LYST: variants seen among roughly 807,000 people sequenced by gnomAD.
LYST encodes lysosomal-trafficking regulator.
LYST carries 192 observed loss-of-function variants against 413.6 expected under a neutral mutation model. That is an observed-to-expected ratio of 0.46 (90% CI 0.41 to 0.52). The LOEUF (loss-of-function observed/expected upper bound fraction) is 0.52, where lower values mean the gene tolerates loss of function less well. Ranked by LOEUF, LYST falls within the 20% of genes least tolerant of loss-of-function variation. The pLI is 0.00. For synonymous variants in LYST, 1,525 were observed against 1,567.3 expected (o/e 0.97, Z 0.64); for missense variants, 3,815 against 4,499.9 (o/e 0.85, Z 4.35).
At chr1:235,872,458 A>G (rs1327873805) in intron 1 of LYST, among the ~76,000 whole-genome samples, 1 of 152,182 alleles carries the variant, frequency 6.6e-6, no homozygotes, top group Admixed American at 6.5e-5. Flanking sequence ...TCTCGTGGTA[A>G]TAGACCGAGG....
intron 14 of LYST, among the ~76,000 whole-genome samples, chr1:235,783,619 G>A (rs1353137537): frequency 6.6e-6 from 1 of 152,096 alleles, no homozygotes; most frequent in Admixed American, 6.5e-5. Flanking sequence ...TGCACGTTCT[G>A]CACATGTATC....
chr1:235,763,313 A>C (rs936361849), intron 21 of LYST, among the ~76,000 whole-genome samples: 2 of 152,154 alleles, frequency 1.3e-5, no homozygotes, highest in Non-Finnish European at 2.9e-5. Context: ...AAATGCAACA[A>C]ATCTAAATCC....
At chr1:235,857,676 T>C (rs965297968) in intron 1 of LYST, among the ~76,000 whole-genome samples, 4 of 150,758 alleles carry the variant, frequency 2.7e-5, no homozygotes, top group Admixed American at 6.6e-5. Flanking sequence ...TGGGTGTGTG[T>C]GCGCGTGTGC....
At position 235,709,126 on chromosome 1, in the gene LYST, C is replaced by G. The variant is rs748108980; in HGVS notation, c.10108G>C (p.Ala3370Pro). The stretch of plus-strand genomic sequence containing the variant: ...AAAACATTGATCGCTTGAACAGAAG[C>G]CTTCCCCTTTTGCTTATACCCAAAC... The part of the protein sequence containing the change: ...LVFGYKQKGK[A>P]SVQAINVFHP... Residue 3370 changes from alanine to proline, a missense_variant, in exon 44 of 53, where the codon GCT (alanine) becomes CCT (proline). Transcript: ENST00000389793. 4.8e-5 allele frequency: 77 copies of G among 1,613,962 alleles called. No individual in the cohort carries two copies. The highest frequency in any genetic ancestry group is 3.3e-4 in the Middle Eastern group (2 of 6,084).
chr1:235,768,167 A>G (rs1409021131), intron 20 of LYST, among the ~76,000 whole-genome samples: 1 of 152,106 alleles, frequency 6.6e-6, no homozygotes, highest in Non-Finnish European at 1.5e-5. Context: ...TTTCAAATGT[A>G]GATACAAAAA....
At chr1:235,760,995 T>C (rs1486383718) in intron 22 of LYST, among the ~76,000 whole-genome samples, 2 of 152,234 alleles carry the variant, frequency 1.3e-5, no homozygotes, top group African/African-American at 4.8e-5. Flanking sequence ...GGCTTGAGCC[T>C]GTAATCTCAG....
Position 235,755,790 on chromosome 1 carries a change from A to C in LYST, c.7060-143T>G, listed in dbSNP as rs1296904453. The C allele has an allele frequency of 3.5e-5, 20 of 569,776 alleles. No individual in the cohort carries two copies. In the East Asian group the frequency reaches 5.9e-4, roughly 17 times the overall value. The allele number at this position is 569,776 out of a possible 1,614,324, so 35.3% of individuals were successfully genotyped here. On this transcript the variant is annotated intron_variant, in intron 24 of 52. Coordinates refer to ENST00000389793, the MANE Select transcript of LYST (RefSeq NM_000081.4). ...AAGCTTAAAAAAATGCCACCACCACAGCAAAGCAGAAATGAATTTGTCTTT... is the reference window on the plus strand; with the variant it reads ...AAGCTTAAAAAAATGCCACCACCACCGCAAAGCAGAAATGAATTTGTCTTT...
intron 1 of LYST, among the ~76,000 whole-genome samples, chr1:235,846,112 G>A (rs1031981066): frequency 3.9e-5 from 6 of 152,076 alleles, no homozygotes; most frequent in African/African-American, 1.4e-4. Context: ...GACCCTCACG[G>A]AGTCCACTGC....
intron 22 of LYST, among the ~76,000 whole-genome samples, chr1:235,761,737 G>C (rs772464242): frequency 6.6e-6 from 1 of 151,108 alleles, no homozygotes; most frequent in Non-Finnish European, 1.5e-5. Context: ...TAGGGAAAGC[G>C]AGACAAGGGG....
At chr1:235,692,625 C>G (rs2103073226) in intron 47 of LYST, among the ~76,000 whole-genome samples, 1 of 152,052 alleles carries the variant, frequency 6.6e-6, no homozygotes, top group South Asian at 2.1e-4. Context: ...CTCAGGCGAT[C>G]TGCCCGCCTC....
intron 3 of LYST, among the ~76,000 whole-genome samples, chr1:235,821,154 G>T (rs1304638652): frequency 6.6e-6 from 1 of 152,060 alleles, no homozygotes; most frequent in Non-Finnish European, 1.5e-5. Flanking sequence ...AATATTATTG[G>T]CATCTGAGCA....
chr1:235,734,728 AATTAAATTAT>A lies in LYST; in HGVS notation c.8359-79_8359-70del, dbSNP rs751277783. On this transcript the variant is annotated intron_variant, in intron 31 of 52. Coordinates refer to ENST00000389793, the MANE Select transcript of LYST (RefSeq NM_000081.4). Reference sequence around the variant, plus strand: ...TCTTACATTTAAATTACTTAGTAGTAATTAAATTATATTGCTAGATTTATTTGGTTGCATC... The same window carrying A: ...TCTTACATTTAAATTACTTAGTAGTAATTGCTAGATTTATTTGGTTGCATC... The A allele has an allele frequency of 2.9e-6, 3 of 1,019,502 alleles. No homozygotes were observed. In the Admixed American group the frequency reaches 6.4e-5, roughly 22 times the overall value. 63.2% of individuals were successfully genotyped at this position (1,019,502 alleles called of 1,614,324 possible). A position where few individuals can be genotyped will look rare whatever the true frequency, so the allele number is the denominator to read the frequency against.
At chr1:235,691,073 C>A (rs898961546) in intron 47 of LYST, among the ~76,000 whole-genome samples, 1 of 152,050 alleles carries the variant, frequency 6.6e-6, no homozygotes, top group Non-Finnish European at 1.5e-5. Context: ...CCCGCCACCA[C>A]GCCCAGCTAA....
intron 47 of LYST, among the ~76,000 whole-genome samples, chr1:235,688,723 T>G (rs4592253): frequency 0.052 from 7,905 of 152,102 alleles, 653 homozygotes; most frequent in African/African-American, 0.18. Flanking sequence ...CAGTGGCTCA[T>G]GCCTGTAACC....
chr1:235,752,277 G>A (rs556909273), intron 26 of LYST, 106 bp from the exon 27 acceptor site: 33 of 787,008 alleles, frequency 4.2e-5, no homozygotes, highest in Non-Finnish European at 6.2e-5. Context: ...TGTTCGACCA[G>A]CTTGCACTCA....
intron 9 of LYST, 41 bp from the exon 10 acceptor site, chr1:235,800,427 A>C: frequency 9.0e-7 from 1 of 1,110,448 alleles, no homozygotes; most frequent in Non-Finnish European, 1.4e-6. Flanking sequence ...TACTTACCTC[A>C]CAGAAGCATG....
At chr1:235,713,158 G>C in intron 42 of LYST, 7 of 984,630 alleles carry the variant, frequency 7.1e-6, no homozygotes, top group Non-Finnish European at 8.4e-6. Context: ...ATTGGCATTG[G>C]CTGGCCACTA....
At chr1:235,861,181 GCT>G (rs1476171038) in intron 1 of LYST, among the ~76,000 whole-genome samples, 2 of 152,060 alleles carry the variant, frequency 1.3e-5, no homozygotes, top group African/African-American at 2.4e-5. Flanking sequence ...ATAGTGAAAA[GCT>G]CTCTTATGTC....
rs201404906 is a variant in LYST at position 235,762,863 on chromosome 1, AT to A, written c.6122-13del. The A allele has an allele frequency of 4.2e-3, 6,700 of 1,609,582 alleles. 229 individuals carry two copies. The African/African-American group carries it at 0.074, about 18-fold the overall frequency. On this transcript the variant is annotated splice_polypyrimidine_tract_variant and intron_variant, in intron 21 of 52. Coordinates refer to ENST00000389793, the MANE Select transcript of LYST (RefSeq NM_000081.4). ...AAAGATCTTGCCATCTAGAATCCAA[AT>A]TTTTTTTGAAACAGCAAAATTTTTA...
Sources: allele counts gnomAD v4.1 joint callset (sites outside exome capture counted in the v4.1 genomes callset), GRCh38; gene constraint gnomAD v4.1.1; transcripts MANE v1.5; gene names NCBI Gene and HGNC (gene_info 2026-07-23, HGNC 2026-07-21).